Variants in SAMTOR observed in about 807,000 individuals in gnomAD.
The protein encoded by SAMTOR is UPF0532 protein C7orf60.
chr7:112,917,785 G>T, the SAMTOR span, among the ~76,000 whole-genome samples: 2 of 152,158 alleles, frequency 1.3e-5, no homozygotes, highest in Admixed American at 1.3e-4. Context: ...CAAGGCTCGA[G>T]AACTACGTGA....
the SAMTOR span, among the ~76,000 whole-genome samples, chr7:112,904,448 G>C: frequency 3.9e-5 from 6 of 152,008 alleles, no homozygotes; most frequent in African/African-American, 1.4e-4. Context: ...GGGTCAGAGG[G>C]CAAATACTAA....
the SAMTOR span, among the ~76,000 whole-genome samples, chr7:112,938,508 T>TA: frequency 7.9e-5 from 12 of 152,242 alleles, no homozygotes; most frequent in African/African-American, 2.9e-4. Flanking sequence ...TACCTGTCTG[T>TA]ATTCCTTCAC....
the SAMTOR span, among the ~76,000 whole-genome samples, chr7:112,917,778 G>A: frequency 1.3e-5 from 2 of 152,162 alleles, no homozygotes; most frequent in African/African-American, 4.8e-5. Context: ...TGAAAGCCAA[G>A]GCTCGAGAAC....
chr7:112,938,019 T>A, the SAMTOR span, among the ~76,000 whole-genome samples: 1 of 152,062 alleles, frequency 6.6e-6, no homozygotes, highest in South Asian at 2.1e-4. Flanking sequence ...AATTCTATGC[T>A]AGTCATTTTT....
chr7:112,891,457 A>G, the SAMTOR span, among the ~76,000 whole-genome samples: 2 of 152,234 alleles, frequency 1.3e-5, no homozygotes, highest in Admixed American at 1.3e-4. Context: ...TCTTACTTTC[A>G]TAATTATTTT....
the SAMTOR span, among the ~76,000 whole-genome samples, chr7:112,935,635 G>A: frequency 1.3e-5 from 2 of 152,046 alleles, no homozygotes; most frequent in Non-Finnish European, 2.9e-5. Context: ...GTGATAAACT[G>A]TTTTAAATCT....
the SAMTOR span, among the ~76,000 whole-genome samples, chr7:112,930,266 T>C: frequency 6.6e-6 from 1 of 152,278 alleles, no homozygotes; most frequent in African/African-American, 2.4e-5. Flanking sequence ...AGTTAAGCCA[T>C]ACAACGACCA....
the SAMTOR span, among the ~76,000 whole-genome samples, chr7:112,916,896 C>A: frequency 1.3e-5 from 2 of 152,322 alleles, no homozygotes; most frequent in African/African-American, 4.8e-5. Flanking sequence ...GGGGGAGGGG[C>A]GCCCGCCATT....
the SAMTOR span, chr7:112,821,832 T>G: frequency 6.2e-7 from 1 of 1,613,648 alleles, no homozygotes; most frequent in East Asian, 2.2e-5. Context: ...ATATGGCGCA[T>G]CAGGGAGTTC....
chr7:112,920,859 G>C, the SAMTOR span, among the ~76,000 whole-genome samples: 1 of 151,988 alleles, frequency 6.6e-6, no homozygotes, highest in Admixed American at 6.5e-5. Flanking sequence ...GCTTCAAAGA[G>C]AATAAAATAC....
chr7:112,857,061 G>A, the SAMTOR span, among the ~76,000 whole-genome samples: 1 of 144,880 alleles, frequency 6.9e-6, no homozygotes, highest in Non-Finnish European at 1.5e-5. Context: ...GAAGTCAGCA[G>A]TAAAATGTTC....
chr7:112,921,842 T>C, the SAMTOR span, among the ~76,000 whole-genome samples: 2 of 145,630 alleles, frequency 1.4e-5, no homozygotes, highest in Admixed American at 1.4e-4. Flanking sequence ...GAAAAAATGC[T>C]CACCATCACT....
At chr7:112,833,141 G>A in the SAMTOR span, among the ~76,000 whole-genome samples, 2 of 151,102 alleles carry the variant, frequency 1.3e-5, no homozygotes, top group African/African-American at 4.9e-5. Flanking sequence ...TGGCTTAATT[G>A]AAGATGAATG....
chr7:112,832,221 G>A, the SAMTOR span, among the ~76,000 whole-genome samples: 1 of 151,852 alleles, frequency 6.6e-6, no homozygotes, highest in Non-Finnish European at 1.5e-5. Flanking sequence ...CACCATGTTG[G>A]CCAGGCTGGT....
At chr7:112,893,780 T>C in the SAMTOR span, among the ~76,000 whole-genome samples, 1 of 152,186 alleles carries the variant, frequency 6.6e-6, no homozygotes, top group Non-Finnish European at 1.5e-5. Flanking sequence ...CACGCACCTG[T>C]AGTCCCAGCT....
chr7:112,877,785 G>A, the SAMTOR span, among the ~76,000 whole-genome samples: 5 of 152,106 alleles, frequency 3.3e-5, no homozygotes, highest in Non-Finnish European at 7.3e-5. Context: ...GAGACCTTGT[G>A]AGACCTTGTG....
chr7:112,919,016 A>C, the SAMTOR span, among the ~76,000 whole-genome samples: 1 of 152,182 alleles, frequency 6.6e-6, no homozygotes, highest in African/African-American at 2.4e-5. Context: ...TTAACACCCC[A>C]CTGTCAACAT....
chr7:112,924,188 TATA>T, the SAMTOR span, among the ~76,000 whole-genome samples: 8 of 151,436 alleles, frequency 5.3e-5, no homozygotes, highest in South Asian at 2.1e-4. Flanking sequence ...AAACTTAAAG[TATA>T]ATAATAATAA....
At chr7:112,842,671 G>A in the SAMTOR span, among the ~76,000 whole-genome samples, 14 of 152,024 alleles carry the variant, frequency 9.2e-5, no homozygotes, top group African/African-American at 2.9e-4. Context: ...TGACAACATA[G>A]TCAACAGTTA....
Sources: gnomAD v4.1 joint callset for allele counts (sites outside exome capture counted in the v4.1 genomes callset) on GRCh38, gnomAD v4.1.1 for gene constraint, MANE v1.5 for transcripts, NCBI Gene and HGNC (gene_info 2026-07-23, HGNC 2026-07-21) for gene names.